TRIM9: variants seen among roughly 807,000 people sequenced by gnomAD.
TRIM9 encodes tripartite motif containing 9.
TRIM9 carries 26 observed loss-of-function variants against 78.3 expected under a neutral mutation model. The observed-to-expected ratio is 0.33, with a 90% confidence interval of 0.24 to 0.46. The LOEUF (loss-of-function observed/expected upper bound fraction) is 0.46, where lower values mean the gene tolerates loss of function less well. Ranked by LOEUF, TRIM9 falls within the 20% of genes least tolerant of loss-of-function variation. TRIM9 has a pLI of 1.00. For missense variants in TRIM9, 787 were observed against 1,036.4 expected (o/e 0.76, Z 3.30); for synonymous variants, 398 against 416.5 (o/e 0.96, Z 0.54).
intron 1 of TRIM9, among the ~76,000 whole-genome samples, chr14:51,088,166 T>C (rs1270480882): frequency 6.6e-6 from 1 of 152,218 alleles, no homozygotes; most frequent in Admixed American, 6.5e-5. Context: ...GCAGGCATAG[T>C]TTTAGGTATT....
intron 7 of TRIM9, among the ~76,000 whole-genome samples, chr14:50,989,718 C>T (rs907465984): frequency 5.3e-5 from 8 of 152,136 alleles, no homozygotes; most frequent in Non-Finnish European, 1.2e-4. Flanking sequence ...TGTGGTGACT[C>T]TAGGCATAAC....
Position 51,094,560 on chromosome 14 carries a change from G to A in TRIM9, c.380C>T (p.Thr127Ile), listed in dbSNP as rs756072713. 6.2e-7 allele frequency: 1 copy of A among 1,612,898 alleles called. No homozygotes were observed. Among genetic ancestry groups the A allele is most frequent in the Non-Finnish European group, 8.5e-7 (1 of 1,179,762 alleles). ...GAGGCTGCGGTGACACTGGGGGCAG[G>A]TGATACAGGAGTTGCGGGGCACCGG... ...LAPVPRNSCI[T>I]CPQCHRSLIL... Residue 127 changes from threonine to isoleucine, a missense_variant, in exon 1 of 13, where the codon ACC (threonine) becomes ATC (isoleucine). Transcript: ENST00000684578.
At chr14:51,010,930 T>C (rs948796780) in intron 3 of TRIM9, among the ~76,000 whole-genome samples, 2 of 152,134 alleles carry the variant, frequency 1.3e-5, no homozygotes, top group Non-Finnish European at 2.9e-5. Context: ...ACTTTACTTG[T>C]AAAGAGCAGA....
chr14:50,978,194 T>C (rs762433231), intron 12 of TRIM9, among the ~76,000 whole-genome samples: 1 of 152,174 alleles, frequency 6.6e-6, no homozygotes. Context: ...TTACTGCACA[T>C]ACTGAAACAC....
chr14:51,049,919 C>CA (rs1310420153), intron 1 of TRIM9, among the ~76,000 whole-genome samples: 6 of 151,714 alleles, frequency 4.0e-5, no homozygotes, highest in Non-Finnish European at 7.4e-5. Flanking sequence ...TAAAAGGTGA[C>CA]AAAAAATGTG....
intron 1 of TRIM9, among the ~76,000 whole-genome samples, chr14:51,057,676 T>G (rs2060998408): frequency 6.6e-6 from 1 of 152,356 alleles, no homozygotes; most frequent in East Asian, 1.9e-4. Flanking sequence ...ATGAAAATCA[T>G]GTTTTATTTT....
At chr14:50,981,690 A>T in intron 11 of TRIM9, 110 bp downstream of exon 11, 1 of 1,401,832 alleles carries the variant, frequency 7.1e-7, no homozygotes, top group Non-Finnish European at 9.8e-7. Flanking sequence ...AATGTAGACC[A>T]CCTGTTTGAT....
chr14:51,078,761 G>C lies in TRIM9; in HGVS notation c.822+15357C>G, dbSNP rs374347048. Among the ~76,000 whole-genome samples, 4 of 152,248 alleles carry C rather than the reference G, an allele frequency of 2.6e-5. No homozygotes were observed. In the South Asian group the frequency reaches 8.3e-4, roughly 32 times the overall value. On this transcript the variant is annotated intron_variant, in intron 1 of 12. Coordinates refer to ENST00000684578, the MANE Select transcript of TRIM9 (RefSeq NM_001387360.1). ...ACCATGGTGGGGAGAAAATGAAGGAGATGTAAGTCCAATAATTCAACGGAG... is the reference window on the plus strand; with the variant it reads ...ACCATGGTGGGGAGAAAATGAAGGACATGTAAGTCCAATAATTCAACGGAG...
chr14:51,060,782 A>G (rs374682468), intron 1 of TRIM9, among the ~76,000 whole-genome samples: 9 of 152,044 alleles, frequency 5.9e-5, no homozygotes, highest in South Asian at 4.1e-4. Flanking sequence ...TCATTCTCTT[A>G]TAAGAAGCAG....
intron 12 of TRIM9, chr14:50,978,877 A>G (rs2051415086): frequency 1.0e-6 from 1 of 979,230 alleles, no homozygotes; most frequent in Non-Finnish European, 1.2e-6. Context: ...GTTTTATTCT[A>G]TAATAAATAA....
At chr14:50,997,199 C>G in intron 7 of TRIM9, 3 of 985,358 alleles carry the variant, frequency 3.0e-6, no homozygotes, top group Non-Finnish European at 3.6e-6. Flanking sequence ...TTTCATGTGT[C>G]TTGCTTACTC....
intron 7 of TRIM9, among the ~76,000 whole-genome samples, chr14:50,991,906 G>A (rs1388140808): frequency 6.6e-6 from 1 of 152,050 alleles, no homozygotes; most frequent in African/African-American, 2.4e-5. Context: ...AAAATTTTGG[G>A]GTGACAAGAC....
intron 1 of TRIM9, among the ~76,000 whole-genome samples, chr14:51,053,111 G>A (rs1383947247): frequency 6.7e-6 from 1 of 149,660 alleles, no homozygotes; most frequent in African/African-American, 2.5e-5. Context: ...AGTGAGCCGA[G>A]ATTGTGCCAC....
At chr14:51,008,128 T>C (rs561263811) in intron 5 of TRIM9, among the ~76,000 whole-genome samples, 1 of 152,276 alleles carries the variant, frequency 6.6e-6, no homozygotes, top group South Asian at 2.1e-4. Context: ...GATTAGGGGT[T>C]TCCAGAGATT....
At chr14:51,048,328 C>T (rs2060114092) in intron 1 of TRIM9, among the ~76,000 whole-genome samples, 2 of 152,202 alleles carry the variant, frequency 1.3e-5, no homozygotes, top group South Asian at 4.1e-4. Context: ...AGCTTACAGA[C>T]CCTGTGGATA....
intron 3 of TRIM9, 84 bp downstream of exon 3, chr14:51,022,751 G>A: frequency 1.9e-6 from 3 of 1,571,434 alleles, no homozygotes; most frequent in South Asian, 1.2e-5. Flanking sequence ...CTGTCCATGG[G>A]AAGGAATTCT....
intron 1 of TRIM9, among the ~76,000 whole-genome samples, chr14:51,051,704 C>T (rs2060437497): frequency 6.6e-6 from 1 of 152,160 alleles, no homozygotes; most frequent in Admixed American, 6.5e-5. Context: ...CAGTGGCTCA[C>T]ACCTGTAATC....
Position 51,094,895 on chromosome 14 carries a change from G to A in TRIM9, c.45C>T (p.Ser15=). Reference sequence around the variant, plus strand: ...GCAGGATGATGGGCTCCCGATAGAAGGAGCCGCACACGGGGCATTTCAACT... The same window carrying A: ...GCAGGATGATGGGCTCCCGATAGAAAGAGCCGCACACGGGGCATTTCAACT... ...EEELKCPVCG[S]FYREPIILPC... The change falls in exon 1 of 13, where the codon TCC becomes TCT. Residue 15 remains serine (S), a synonymous_variant. Coordinates refer to ENST00000684578, the MANE Select transcript of TRIM9 (RefSeq NM_001387360.1). 1.3e-6 allele frequency: 2 copies of A among 1,505,350 alleles called. No individual in the cohort carries two copies. The highest frequency in any genetic ancestry group is 1.8e-6 in the Non-Finnish European group (2 of 1,128,492). 93.2% of individuals were successfully genotyped at this position (1,505,350 alleles called of 1,614,324 possible).
intron 1 of TRIM9, among the ~76,000 whole-genome samples, chr14:51,063,725 T>C (rs530471392): frequency 1.3e-4 from 20 of 152,122 alleles, no homozygotes; most frequent in Non-Finnish European, 2.4e-4. Flanking sequence ...CTCAGAATTT[T>C]ACATCCAAAG....
Sources: gnomAD v4.1 joint callset for allele counts (sites outside exome capture counted in the v4.1 genomes callset) on GRCh38, gnomAD v4.1.1 for gene constraint, MANE v1.5 for transcripts, NCBI Gene and HGNC (gene_info 2026-07-23, HGNC 2026-07-21) for gene names.